The following TRPS1 variants were observed in gnomAD, a reference collection of about 807,000 sequenced individuals.
TRPS1 encodes transcriptional repressor GATA binding 1.
TRPS1 carries 6 observed loss-of-function variants against 101.2 expected under a neutral mutation model. That is an observed-to-expected ratio of 0.06 (90% confidence interval 0.03 to 0.12). The LOEUF is 0.12. Ranked by LOEUF, TRPS1 falls within the 10% of genes least tolerant of loss-of-function variation. TRPS1 has a pLI of 1.00. For synonymous variants in TRPS1, 578 were observed against 589.8 expected (o/e 0.98, Z 0.29); for missense variants, 1,363 against 1,567.0 (o/e 0.87, Z 2.20).
chr8:115,552,379 T>C (rs571099425), intron 5 of TRPS1, among the ~76,000 whole-genome samples: 60 of 152,020 alleles, frequency 3.9e-4, no homozygotes, highest in Non-Finnish European at 8.1e-4. Context: ...TTCACCTCTT[T>C]AAAAAAAATG....
intron 1 of TRPS1, among the ~76,000 whole-genome samples, chr8:115,667,581 C>A (rs1811953277): frequency 6.6e-6 from 1 of 152,184 alleles, no homozygotes; most frequent in South Asian, 2.1e-4. Context: ...GAAGTCTGCC[C>A]CTTCCTCAGC....
At chr8:115,564,098 A>C (rs186259095) in intron 5 of TRPS1, among the ~76,000 whole-genome samples, 173 of 152,242 alleles carry the variant, frequency 1.1e-3, no homozygotes, top group Non-Finnish European at 1.8e-3. Context: ...GAGCCTGCCA[A>C]CACCGCAGAA....
intron 1 of TRPS1, among the ~76,000 whole-genome samples, chr8:115,642,575 T>A (rs1436193740): frequency 6.6e-6 from 1 of 151,920 alleles, no homozygotes; most frequent in Admixed American, 6.6e-5. Context: ...AATTTTATAA[T>A]CCAAATACAA....
chr8:115,441,898 A>AGAGAGAGTGT (rs1554620719), intron 5 of TRPS1, among the ~76,000 whole-genome samples: 123 of 116,192 alleles, frequency 1.1e-3, no homozygotes, highest in South Asian at 3.5e-3. Context: ...AGAGAGAGAG[A>AGAGAGAGTGT]GTGTGTGTGT....
chr8:115,527,138 G>A (rs760018396), intron 5 of TRPS1, among the ~76,000 whole-genome samples: 4 of 151,966 alleles, frequency 2.6e-5, no homozygotes, highest in Non-Finnish European at 5.9e-5. Context: ...TAAAGAGAAG[G>A]TGTTGATTAT....
At chr8:115,478,843 GTATATATGTA>G (rs10600364) in intron 5 of TRPS1, among the ~76,000 whole-genome samples, 13,633 of 146,086 alleles carry the variant, frequency 0.093, 2,058 homozygotes, top group African/African-American at 0.32. Flanking sequence ...GTATATAAAT[GTATATATGTA>G]TATATGTGTA....
intron 5 of TRPS1, among the ~76,000 whole-genome samples, chr8:115,559,769 C>A (rs1391288285): frequency 6.6e-6 from 1 of 152,028 alleles, no homozygotes; most frequent in Non-Finnish European, 1.5e-5. Context: ...TAAAATCTTA[C>A]CCTTGAAAGT....
At chr8:115,653,097 T>C (rs770187718) in intron 1 of TRPS1, among the ~76,000 whole-genome samples, 20 of 152,194 alleles carry the variant, frequency 1.3e-4, no homozygotes, top group Non-Finnish European at 2.9e-4. Flanking sequence ...CTTATTTTGA[T>C]CTGCAATGCC....
chr8:115,600,466 C>T (rs1174555468), intron 4 of TRPS1, among the ~76,000 whole-genome samples: 2 of 152,096 alleles, frequency 1.3e-5, no homozygotes, highest in African/African-American at 4.8e-5. Context: ...TGTAAAAATC[C>T]TAGCCACCTT....
At chr8:115,665,342 G>A (rs989458747) in intron 1 of TRPS1, among the ~76,000 whole-genome samples, 1 of 152,110 alleles carries the variant, frequency 6.6e-6, no homozygotes, top group Non-Finnish European at 1.5e-5. Context: ...CATATTGTGG[G>A]TTGTATGTCT....
chr8:115,536,589 C>T (rs1204316591), intron 5 of TRPS1, among the ~76,000 whole-genome samples: 1 of 149,566 alleles, frequency 6.7e-6, no homozygotes, highest in Non-Finnish European at 1.5e-5. Context: ...TTTAAAACAA[C>T]TCCTCATTTT....
At chr8:115,490,102 A>G (rs925161463) in intron 5 of TRPS1, among the ~76,000 whole-genome samples, 36 of 152,148 alleles carry the variant, frequency 2.4e-4, no homozygotes, top group Admixed American at 1.0e-3. Context: ...TTTATAATAG[A>G]TATCAGTGCA....
chr8:115,430,615 C>A (rs1813294808), intron 5 of TRPS1, among the ~76,000 whole-genome samples: 1 of 151,796 alleles, frequency 6.6e-6, no homozygotes, highest in Non-Finnish European at 1.5e-5. Flanking sequence ...ATGTTTAGGC[C>A]CAGGAGAGGA....
At chr8:115,499,959 CTTTCT>C (rs147174443) in intron 5 of TRPS1, among the ~76,000 whole-genome samples, 2,368 of 59,836 alleles carry the variant, frequency 0.04, 86 homozygotes, top group Middle Eastern at 0.083. Flanking sequence ...TTCTTTCTTT[CTTTCT>C]TTTCTTTTCT....
At chr8:115,455,824 G>T (rs200159081) in intron 5 of TRPS1, among the ~76,000 whole-genome samples, 4 of 127,202 alleles carry the variant, frequency 3.1e-5, no homozygotes, top group East Asian at 4.6e-4. Context: ...TTGCTCTGTC[G>T]CCCAGGCTGG....
At chr8:115,628,490 T>A (rs1242245629) in intron 1 of TRPS1, among the ~76,000 whole-genome samples, 2 of 151,640 alleles carry the variant, frequency 1.3e-5, no homozygotes, top group Admixed American at 1.3e-4. Context: ...TATGGAGAAA[T>A]GTTCCAAAGA....
At chr8:115,467,489 T>C (rs1361174528) in intron 5 of TRPS1, among the ~76,000 whole-genome samples, 3 of 152,122 alleles carry the variant, frequency 2.0e-5, no homozygotes, top group Non-Finnish European at 2.9e-5. Flanking sequence ...ATAAAGCTCA[T>C]TTATTCTGAA....
intron 2 of TRPS1, among the ~76,000 whole-genome samples, chr8:115,620,566 C>T (rs2073747374): frequency 6.6e-6 from 1 of 152,032 alleles, no homozygotes; most frequent in African/African-American, 2.4e-5. Context: ...AATTGGAATT[C>T]GATATTGTTA....
chr8:115,548,068 TAA>T (rs201746340), intron 5 of TRPS1, among the ~76,000 whole-genome samples: 8 of 129,884 alleles, frequency 6.2e-5, no homozygotes, highest in African/African-American at 8.5e-5. Context: ...CATCTCTACA[TAA>T]AAAAAAAAAA....
Sources: gnomAD v4.1 joint callset for allele counts (sites outside exome capture counted in the v4.1 genomes callset) on GRCh38, gnomAD v4.1.1 for gene constraint, MANE v1.5 for transcripts, NCBI Gene and HGNC (gene_info 2026-07-23, HGNC 2026-07-21) for gene names.